PRR5: variants seen among roughly 807,000 people sequenced by gnomAD.
PRR5 encodes proline-rich protein 5.
Under a neutral mutation model 30.6 loss-of-function variants are expected in PRR5, and 25 were observed. The ratio of observed to expected loss-of-function variants is 0.82; its 90% CI spans 0.60 to 1.14. The LOEUF is 1.14. Ranked by LOEUF, PRR5 falls within the 50% of genes most tolerant of loss-of-function variation. PRR5 has a pLI of 0.00. For synonymous variants in PRR5, 286 were observed against 247.1 expected, an observed-to-expected ratio of 1.16 and a Z score of -1.48; for missense variants, 600 against 547.1, an observed-to-expected ratio of 1.10 and a Z score of -0.96.
intron 1 of PRR5, among the ~76,000 whole-genome samples, chr22:44,707,642 G>A (rs1057320582): frequency 6.6e-6 from 1 of 152,230 alleles, no homozygotes; most frequent in Non-Finnish European, 1.5e-5. Flanking sequence ...AGGGCACGTG[G>A]GGGTACCAAG....
chr22:44,731,186 C>T (rs531347918), intron 4 of PRR5: 19 of 269,074 alleles, frequency 7.1e-5, no homozygotes, highest in African/African-American at 3.4e-4. Context: ...GGCATACCTG[C>T]GTGGGTCTCA....
intron 1 of PRR5, among the ~76,000 whole-genome samples, chr22:44,678,214 T>C (rs1417531542): frequency 1.3e-5 from 2 of 151,980 alleles, no homozygotes; most frequent in African/African-American, 4.8e-5. Flanking sequence ...GGACATGCAG[T>C]CTGTTCCTGC....
chr22:44,726,935 C>T (rs1920974204), intron 4 of PRR5, among the ~76,000 whole-genome samples: 1 of 152,184 alleles, frequency 6.6e-6, no homozygotes, highest in South Asian at 2.1e-4. Context: ...AGCTCTGTCC[C>T]CGCAGCCTGG....
At chr22:44,682,825 C>A (rs1924417076) in intron 1 of PRR5, among the ~76,000 whole-genome samples, 1 of 152,216 alleles carries the variant, frequency 6.6e-6, no homozygotes, top group Non-Finnish European at 1.5e-5. Flanking sequence ...CCGCCCAAGG[C>A]CTCTCTGAGC....
At chr22:44,680,395 G>T (rs779842520) in intron 1 of PRR5, among the ~76,000 whole-genome samples, 2 of 152,184 alleles carry the variant, frequency 1.3e-5, no homozygotes, top group African/African-American at 2.4e-5. Flanking sequence ...TGGAAGGAAA[G>T]GGGGGATGGG....
intron 1 of PRR5, among the ~76,000 whole-genome samples, chr22:44,689,868 C>T (rs1925088445): frequency 1.3e-5 from 2 of 152,108 alleles, no homozygotes; most frequent in African/African-American, 2.4e-5. Flanking sequence ...AGGCTGGTCT[C>T]GAACTCCTGA....
chr22:44,676,567 G>C (rs866004166), upstream of PRR5, among the ~76,000 whole-genome samples: 2 of 152,086 alleles, frequency 1.3e-5, no homozygotes, highest in Admixed American at 6.5e-5. Context: ...CCAGCAGGAT[G>C]GGGGGTTCGA....
At chr22:44,717,397 G>C (rs769726315) in intron 2 of PRR5, among the ~76,000 whole-genome samples, 51 of 151,862 alleles carry the variant, frequency 3.4e-4, no homozygotes, top group Non-Finnish European at 6.5e-4. Context: ...TCACCATGTT[G>C]GCCAGGCCGG....
At chr22:44,716,392 A>G (rs1222893289) in intron 2 of PRR5, among the ~76,000 whole-genome samples, 1 of 152,202 alleles carries the variant, frequency 6.6e-6, no homozygotes, top group African/African-American at 2.4e-5. Flanking sequence ...TTTCACACCA[A>G]ACCTGTAGTG....
chr22:44,714,680 C>T lies in PRR5; in HGVS notation c.215+9C>T. 2 of 1,613,722 alleles carry T rather than the reference C, an allele frequency of 1.2e-6. No individual in the cohort carries two copies. The highest frequency in any genetic ancestry group is 1.7e-6 in the Non-Finnish European group (2 of 1,179,910). The stretch of plus-strand genomic sequence containing the variant: ...CTCAACGAGGGCGTCCGGTGAGTGC[C>T]TGTCCCACCTTGGTCCAGGGTCCTT... On this transcript the variant is annotated intron_variant, in intron 2 of 7. Coordinates refer to ENST00000336985, the MANE Select transcript of PRR5 (RefSeq NM_181333.4).
chr22:44,688,388 G>GA (rs950799418), intron 1 of PRR5, among the ~76,000 whole-genome samples: 1 of 152,000 alleles, frequency 6.6e-6, no homozygotes, highest in Non-Finnish European at 1.5e-5. Flanking sequence ...CGTCTCAAAA[G>GA]AAAAAAATAT....
intron 1 of PRR5, among the ~76,000 whole-genome samples, chr22:44,709,851 C>T (rs889113252): frequency 7.9e-5 from 12 of 151,968 alleles, no homozygotes; most frequent in Admixed American, 7.2e-4. Context: ...GACTCCATCT[C>T]AAAAAAACAA....
At chr22:44,684,143 G>A (rs187497341) in intron 1 of PRR5, among the ~76,000 whole-genome samples, 190 of 152,304 alleles carry the variant, frequency 1.2e-3, no homozygotes, top group Non-Finnish European at 5.7e-4. Context: ...CAAGCCACCT[G>A]TGGCCACCCC....
At chr22:44,706,225 G>T (rs1054541650) in intron 1 of PRR5, among the ~76,000 whole-genome samples, 1 of 152,212 alleles carries the variant, frequency 6.6e-6, no homozygotes. Context: ...TGTAAGGCTT[G>T]CTCTGTCATG....
At chr22:44,736,082 C>T (rs565972902) in intron 7 of PRR5, among the ~76,000 whole-genome samples, 9 of 152,348 alleles carry the variant, frequency 5.9e-5, no homozygotes, top group Non-Finnish European at 1.0e-4. Context: ...ACCCTGCCCC[C>T]CAACCAGCCT....
intron 1 of PRR5, among the ~76,000 whole-genome samples, chr22:44,678,886 C>T (rs1924009424): frequency 1.3e-5 from 2 of 152,170 alleles, no homozygotes; most frequent in Non-Finnish European, 2.9e-5. Context: ...CAGCAGCATT[C>T]GATGAATTGA....
At position 44,689,429 on chromosome 22, in the gene PRR5, G is replaced by A. The variant is rs114790618; in HGVS notation, c.-11+12189G>A. On this transcript the variant is annotated intron_variant, in intron 1 of 8. Transcript: ENST00000006251. ...TGGGATGACCCCTGGGCATCTGGGC[G>A]GCAAGTGGGAACCACAGCTACGAGA... 1.7e-3 allele frequency among the ~76,000 whole-genome samples: 258 copies of A among 152,342 alleles called. 2 individuals are homozygous for A. The highest frequency in any genetic ancestry group is 6.1e-3 in the African/African-American group (252 of 41,588).
chr22:44,716,998 T>C (rs1046850432), intron 2 of PRR5, among the ~76,000 whole-genome samples: 1 of 151,680 alleles, frequency 6.6e-6, no homozygotes, highest in Non-Finnish European at 1.5e-5. Flanking sequence ...GAGGAGGAGG[T>C]TGCAGTGTGT....
At chr22:44,727,041 A>T (rs1920982561) in intron 4 of PRR5, among the ~76,000 whole-genome samples, 1 of 151,962 alleles carries the variant, frequency 6.6e-6, no homozygotes, top group African/African-American at 2.4e-5. Context: ...TGGGGGACTC[A>T]GCTGAATTTT....
Sources: allele counts gnomAD v4.1 joint callset (sites outside exome capture counted in the v4.1 genomes callset), GRCh38; gene constraint gnomAD v4.1.1; transcripts MANE v1.5; gene names NCBI Gene and HGNC (gene_info 2026-07-23, HGNC 2026-07-21).